The following FAM149B1 variants were observed in gnomAD, a reference collection of about 807,000 sequenced individuals.
FAM149B1 encodes the protein family with sequence similarity 149 member B1.
Under a neutral mutation model 75.3 loss-of-function variants are expected in FAM149B1, and 56 were observed. That is an observed-to-expected ratio of 0.74 (90% CI 0.60 to 0.93). FAM149B1 has a LOEUF of 0.93. Among genes scored for constraint, FAM149B1 ranks in the 40% least tolerant of loss-of-function variants. FAM149B1 has a pLI of 0.00. For missense variants in FAM149B1, 639 were observed against 708.4 expected (o/e 0.90, Z 1.11); for synonymous variants, 259 against 256.1 (o/e 1.01, Z -0.11).
At position 73,243,939 on chromosome 10, in the gene FAM149B1, G is replaced by A; in HGVS notation, c.*2920G>A. On this transcript the variant is annotated 3_prime_UTR_variant, in exon 14 of 14. Transcript: ENST00000242505. Reference sequence around the variant, plus strand: ...TGGCCTCTTCCTGAGCCTGAAACAGGAACTCACATGAGACTCAGGGCCACC... The same window carrying A: ...TGGCCTCTTCCTGAGCCTGAAACAGAAACTCACATGAGACTCAGGGCCACC... 1.2e-6 allele frequency: 2 copies of A among 1,612,532 alleles called. No homozygotes were observed. Among genetic ancestry groups the A allele is most frequent in the Non-Finnish European group, 1.7e-6 (2 of 1,179,290 alleles).
At chr10:73,240,188 C>A (rs896002846) in intron 13 of FAM149B1, among the ~76,000 whole-genome samples, 2 of 152,146 alleles carry the variant, frequency 1.3e-5, no homozygotes, top group East Asian at 1.9e-4. Flanking sequence ...CAGGGTCATT[C>A]TTATTATGCT....
rs796588524 is a variant in FAM149B1, at chr10:73,234,881, C to T, written c.1417C>T (p.Pro473Ser). 5.3e-5 allele frequency: 83 copies of T among 1,551,800 alleles called. 1 individual carries two copies. The Admixed American group carries it at 1.4e-3, about 27-fold the overall frequency. ...PTPLSRNNLL[P>S]PIGTAEVEHV... ...GCCCCTGAGTCGAAATAATCTGCTA[C>T]CACCTATTGGCACAGCTGAAGTGGA... The change falls in exon 11 of 14, where the codon CCA becomes TCA. Residue 473 changes from proline to serine, a missense_variant. By Grantham distance (74) the Pro-to-Ser change is moderately conservative. Coordinates refer to ENST00000242505, the MANE Select transcript of FAM149B1 (RefSeq NM_173348.2).
intron 4 of FAM149B1, among the ~76,000 whole-genome samples, chr10:73,192,909 C>G (rs1437814188): frequency 6.6e-6 from 1 of 152,148 alleles, no homozygotes; most frequent in Admixed American, 6.5e-5. Context: ...TGATCCTAAT[C>G]AAGTAAAAAC....
intron 12 of FAM149B1, among the ~76,000 whole-genome samples, chr10:73,236,798 C>G (rs559958315): frequency 6.6e-6 from 1 of 151,762 alleles, no homozygotes; most frequent in Non-Finnish European, 1.5e-5. Flanking sequence ...TCACTGCAGC[C>G]TCAACCTCCT....
At chr10:73,232,604 T>G (rs904520205) in intron 9 of FAM149B1, among the ~76,000 whole-genome samples, 1 of 152,230 alleles carries the variant, frequency 6.6e-6, no homozygotes, top group African/African-American at 2.4e-5. Context: ...GGCAAATTTT[T>G]GGGAAGCACT....
At chr10:73,187,773 A>G (rs1352430226) in intron 3 of FAM149B1, among the ~76,000 whole-genome samples, 1 of 151,358 alleles carries the variant, frequency 6.6e-6, no homozygotes, top group Non-Finnish European at 1.5e-5. Context: ...TCAAAACTTA[A>G]TATCAAAACA....
chr10:73,223,166 A>G (rs932178611), intron 7 of FAM149B1, among the ~76,000 whole-genome samples: 2 of 152,184 alleles, frequency 1.3e-5, no homozygotes, highest in African/African-American at 2.4e-5. Flanking sequence ...CAGATCAAGA[A>G]TATTGCCAGT....
intron 3 of FAM149B1, among the ~76,000 whole-genome samples, chr10:73,188,951 T>G (rs2133328846): frequency 6.6e-6 from 1 of 151,950 alleles, no homozygotes; most frequent in South Asian, 2.1e-4. Flanking sequence ...CCCAACACTT[T>G]GAGAGGCTGA....
intron 3 of FAM149B1, chr10:73,192,337 C>T (rs2042704512): frequency 4.4e-6 from 2 of 457,904 alleles, no homozygotes; most frequent in Non-Finnish European, 7.7e-6. Flanking sequence ...AAAAAACAGA[C>T]ATTTATCTAA....
Position 73,198,673 on chromosome 10 carries a change from T to C in FAM149B1, c.542+5080T>C, listed in dbSNP as rs193175281. Among the ~76,000 whole-genome samples the C allele has an allele frequency of 4.3e-4, 65 of 152,168 alleles. 1 individual carries two copies. In the East Asian group the frequency reaches 0.012, roughly 27 times the overall value. On this transcript the variant is annotated intron_variant, in intron 5 of 13. Transcript: ENST00000242505. ...TACAAAAATTAGCTTGGCGTGGCAG[T>C]GTGCACCTGTAATTCCAGCTACTCA...
Position 73,242,635 on chromosome 10 carries a change from G to A in FAM149B1, c.*1616G>A, listed in dbSNP as rs1019514408. 6.6e-6 allele frequency: 1 copy of A among 152,184 alleles called. No individual in the cohort carries two copies. Among genetic ancestry groups the A allele is most frequent in the African/African-American group, 2.4e-5 (1 of 41,444 alleles). The allele number at this position is 152,184 out of a possible 1,614,324, so 9.4% of individuals were successfully genotyped here. ...TCAGTGGCCCAACTGAAGACATTCA[G>A]CAATTAATGGCAGGACTTCAGTAAT... On this transcript the variant is annotated 3_prime_UTR_variant, in exon 14 of 14. Transcript: ENST00000242505.
chr10:73,239,192 C>A, intron 12 of FAM149B1, 120 bp from the exon 13 acceptor site: 4 of 766,874 alleles, frequency 5.2e-6, no homozygotes, highest in Middle Eastern at 2.5e-4. Flanking sequence ...ACTTTTCCCT[C>A]AAGTTGGTAG....
Position 73,232,820 on chromosome 10 carries a change from A to G in FAM149B1, c.1128-119A>G, listed in dbSNP as rs552009915. 7.5e-5 allele frequency: 48 copies of G among 637,724 alleles called. No homozygotes were observed. In the South Asian group the frequency reaches 8.7e-4, roughly 12 times the overall value. The allele number at this position is 637,724 out of a possible 1,614,324, so 39.5% of individuals were successfully genotyped here. ...TAGTGTTACTTATTGAAAGGTTTTT[A>G]TTTTTGCTTTATTTCCCCCTAAATG... On this transcript the variant is annotated intron_variant, in intron 9 of 13. Coordinates refer to ENST00000242505, the MANE Select transcript of FAM149B1 (RefSeq NM_173348.2).
At chr10:73,227,867 C>T (rs1231844154) in intron 7 of FAM149B1, among the ~76,000 whole-genome samples, 193 bp from the exon 8 acceptor site, 1 of 152,178 alleles carries the variant, frequency 6.6e-6, no homozygotes, top group Non-Finnish European at 1.5e-5. Context: ...CATCATCAGC[C>T]TGGGAAACCA....
intron 3 of FAM149B1, among the ~76,000 whole-genome samples, chr10:73,190,836 A>G (rs1564688454): frequency 6.6e-6 from 1 of 151,722 alleles, no homozygotes; most frequent in East Asian, 1.9e-4. Flanking sequence ...CTCCCACCTC[A>G]GCCTCCTGAG....
At chr10:73,218,546 T>G (rs2043343503) in intron 7 of FAM149B1, among the ~76,000 whole-genome samples, 1 of 152,198 alleles carries the variant, frequency 6.6e-6, no homozygotes, top group South Asian at 2.1e-4. Flanking sequence ...AGATAATTTC[T>G]TCTCTATCTT....
intron 3 of FAM149B1, chr10:73,183,552 G>A (rs2042451519): frequency 6.6e-6 from 1 of 152,098 alleles, no homozygotes; most frequent in Non-Finnish European, 1.5e-5. Context: ...TCATAATAAG[G>A]TCAGCAGAGT....
chr10:73,231,486 T>C (rs1230501845), intron 9 of FAM149B1, among the ~76,000 whole-genome samples: 1 of 152,146 alleles, frequency 6.6e-6, no homozygotes, highest in Non-Finnish European at 1.5e-5. Flanking sequence ...TATATTTAAA[T>C]CAGGAATCTG....
In FAM149B1 at chr10:73,241,114, G is replaced by A. The variant is rs557461159; in HGVS notation, c.*95G>A. The stretch of plus-strand genomic sequence containing the variant: ...TGATGCAGAGCTTGTATAGAAGATC[G>A]ACTAGAAATCATCTTCATGAAGAGT... On this transcript the variant is annotated 3_prime_UTR_variant, in exon 14 of 14. Transcript: ENST00000242505. The A allele has an allele frequency of 9.5e-5, 73 of 771,156 alleles. No homozygotes were observed. Among genetic ancestry groups the A allele is most frequent in the African/African-American group, 9.0e-5 (5 of 55,658 alleles). 47.8% of individuals were successfully genotyped at this position (771,156 alleles called of 1,614,324 possible). A position where few individuals can be genotyped will look rare whatever the true frequency, so the allele number is the denominator to read the frequency against.
Sources: allele counts gnomAD v4.1 joint callset (sites outside exome capture counted in the v4.1 genomes callset), GRCh38; gene constraint gnomAD v4.1.1; transcripts MANE v1.5; gene names NCBI Gene and HGNC (gene_info 2026-07-23, HGNC 2026-07-21).